Variants in DEPDC1 observed in about 807,000 individuals in gnomAD.
DEPDC1 encodes DEP domain-containing protein 1A.
A neutral mutation model predicts 86.8 loss-of-function variants in DEPDC1; 66 were observed. The observed-to-expected ratio is 0.76, with a 90% confidence interval of 0.62 to 0.93. The LOEUF (loss-of-function observed/expected upper bound fraction) is 0.93, where lower values mean the gene tolerates loss of function less well. DEPDC1 is among the 40% of genes least tolerant of loss of function. The pLI is 0.00. For missense variants in DEPDC1, 792 were observed against 935.7 expected, an observed-to-expected ratio of 0.85 and a Z score of 2.00; for synonymous variants, 255 against 314.9, an observed-to-expected ratio of 0.81 and a Z score of 2.02.
At chr1:68,485,464 G>A (rs191444344) in intron 6 of DEPDC1, among the ~76,000 whole-genome samples, 1 of 152,138 alleles carries the variant, frequency 6.6e-6, no homozygotes, top group African/African-American at 2.4e-5. Context: ...GAATTACTCT[G>A]GGGGATCGAA....
intron 1 of DEPDC1, among the ~76,000 whole-genome samples, chr1:68,495,024 C>A (rs1484276606): frequency 1.3e-5 from 2 of 152,076 alleles, no homozygotes; most frequent in African/African-American, 2.4e-5. Context: ...TGCCTATAAT[C>A]CCAGCTACTC....
chr1:68,479,034 G>T, intron 10 of DEPDC1, 110 bp downstream of exon 10: 2 of 876,536 alleles, frequency 2.3e-6, no homozygotes, highest in Non-Finnish European at 3.5e-6. Flanking sequence ...GACTTTTAGA[G>T]GTTGTTTATG....
At chr1:68,480,802 G>A (rs934038326) in intron 9 of DEPDC1, among the ~76,000 whole-genome samples, 6 of 151,642 alleles carry the variant, frequency 4.0e-5, no homozygotes, top group South Asian at 4.2e-4. Context: ...GCATAACTCC[G>A]GATTCCTTGC....
chr1:68,482,016 T>C, intron 8 of DEPDC1, 30 bp downstream of exon 8: 1 of 1,533,020 alleles, frequency 6.5e-7, no homozygotes, highest in Non-Finnish European at 8.7e-7. Context: ...TCAAAGTTAA[T>C]ATTGCATGCA....
At position 68,481,542 on chromosome 1, in the gene DEPDC1, T is replaced by A; in HGVS notation, c.1833A>T (p.Pro611=). 6.2e-7 allele frequency: 1 copy of A among 1,612,102 alleles called. No homozygotes were observed. The highest frequency in any genetic ancestry group is 8.5e-7 in the Non-Finnish European group (1 of 1,178,936). The change falls in exon 9 of 12, where the codon CCA becomes CCT. Residue 611 remains proline (P), a synonymous_variant. Coordinates refer to ENST00000456315, the MANE Select transcript of DEPDC1 (RefSeq NM_001114120.3). ...ALQLCCLLLP[P]PNRRKLQLLM... is the part of the protein sequence containing the mutation. ...AAAGTTGAAGCTTTCTACGATTTGG[T>A]GGGGGAAGTAACAAACAACATAACT...
chr1:68,483,953 A>G lies in DEPDC1; in HGVS notation c.907T>C (p.Leu303=), dbSNP rs774213164. 1.3e-6 allele frequency: 2 copies of G among 1,501,114 alleles called. No homozygotes were observed. Among genetic ancestry groups the G allele is most frequent in the African/African-American group, 2.9e-5 (2 of 70,012 alleles). The allele number at this position is 1,501,114 out of a possible 1,614,324, so 93.0% of individuals were successfully genotyped here. A position where few individuals can be genotyped will look rare whatever the true frequency, so the allele number is the denominator to read the frequency against. The change falls in exon 7 of 12, where the codon TTG becomes CTG. Residue 303 remains leucine (L), a synonymous_variant. Coordinates refer to ENST00000456315, the MANE Select transcript of DEPDC1 (RefSeq NM_001114120.3). ...FEYYELFVNI[L]VVCGYITVSD... ...AATCAGTAAAATCTATACATACCCA[A>G]AATGTTTACAAATAATTCGTAATAT...
rs751277930 is a variant in DEPDC1 at position 68,487,023 on chromosome 1, T to G, written c.722-39A>C. On this transcript the variant is annotated intron_variant, in intron 5 of 11. Coordinates refer to ENST00000456315, the MANE Select transcript of DEPDC1 (RefSeq NM_001114120.3). The stretch of plus-strand genomic sequence containing the variant: ...AAAATATTACTAAGTAAACCATACA[T>G]TTTTTATGATAGTATATTTTAAAAT... The G allele has an allele frequency of 5.1e-6, 8 of 1,562,974 alleles. No individual in the cohort carries two copies. In the South Asian group the frequency reaches 9.4e-5, roughly 18 times the overall value.
chr1:68,488,580 C>T (rs553591669), intron 4 of DEPDC1, 76 bp from the exon 5 acceptor site: 37 of 1,233,412 alleles, frequency 3.0e-5, no homozygotes, highest in Admixed American at 8.4e-5. Context: ...GTAAACAAAG[C>T]CATCAGAATA....
At chr1:68,489,169 T>G (rs1393427627) in intron 3 of DEPDC1, 135 bp from the exon 4 acceptor site, 1 of 649,886 alleles carries the variant, frequency 1.5e-6, no homozygotes, top group African/African-American at 1.8e-5. Flanking sequence ...AATATGGTAA[T>G]GGAGTTTTTA....
In DEPDC1 at chr1:68,489,563, T is replaced by C; in HGVS notation, c.360A>G (p.Pro120=). 6.5e-7 allele frequency: 1 copy of C among 1,543,402 alleles called. No homozygotes were observed. Among genetic ancestry groups the C allele is most frequent in the South Asian group, 1.3e-5 (1 of 77,650 alleles). Residue 120 remains proline, a synonymous_variant, in exon 3 of 12, where the codon CCA becomes CCG. Transcript: ENST00000456315. ...TCTCTATGTTGTTTTTTCTCAATTC[T>C]GGATACCTTCGTGGTAGAGTTTTAA... ...SPLKTLPRRY[P]ELRKNNIENF...
chr1:68,475,937 G>GT lies in DEPDC1; in HGVS notation c.*994dup, dbSNP rs1646112169. 6.6e-6 allele frequency: 1 copy of GT among 151,836 alleles called. No individual in the cohort carries two copies. The highest frequency in any genetic ancestry group is 2.4e-5 in the African/African-American group (1 of 41,380). 9.4% of individuals were successfully genotyped at this position (151,836 alleles called of 1,614,324 possible). On this transcript the variant is annotated 3_prime_UTR_variant, in exon 12 of 12. Coordinates refer to ENST00000456315, the MANE Select transcript of DEPDC1 (RefSeq NM_001114120.3). ...TCCCCAAAATTCAGATTTAATTAGT[G>GT]TAAGTTAGGCCCTGGGCATATAGGC... is the stretch of plus-strand genomic sequence containing the variant.
chr1:68,476,951 T>A lies in DEPDC1; in HGVS notation c.2417A>T (p.Lys806Met), dbSNP rs370916107. ...AGTTAGTTATCTTAGACTACGGAAC[T>A]TTGGTTTTCTTAAAATCAGCATTGG... ...KQPMLILRKPKFRSLR is the reference protein window; with the variant it reads ...KQPMLILRKPMFRSLR Residue 806 changes from lysine (K) to methionine (M), a missense_variant, in exon 12 of 12, where the codon AAG becomes ATG. Physicochemically the swap from Lys to Met is moderately conservative, Grantham distance 95. Coordinates refer to ENST00000456315, the MANE Select transcript of DEPDC1 (RefSeq NM_001114120.3). The A allele has an allele frequency of 2.5e-6, 4 of 1,599,972 alleles. No individual in the cohort carries two copies. Among genetic ancestry groups the A allele is most frequent in the Non-Finnish European group, 3.4e-6 (4 of 1,173,860 alleles).
chr1:68,496,918 C>T lies in DEPDC1; in HGVS notation c.48+34G>A. On this transcript the variant is annotated intron_variant, in intron 1 of 11. Transcript: ENST00000456315. This position sits in a 1 kb window ranked among gnomAD's most constrained non-coding sequence, Gnocchi z 4.0. ...CGAACAGTGGTGACTGCCGTCAGCC[C>T]GCTGACCGGTCCCGTCTATCCGAGC... is the stretch of plus-strand genomic sequence containing the variant. The T allele has an allele frequency of 6.2e-7, 1 of 1,607,036 alleles. No homozygotes were observed. Among genetic ancestry groups the T allele is most frequent in the Non-Finnish European group, 8.5e-7 (1 of 1,176,016 alleles).
intron 1 of DEPDC1, among the ~76,000 whole-genome samples, chr1:68,495,333 C>G (rs1646258097): frequency 6.6e-6 from 1 of 152,074 alleles, no homozygotes; most frequent in South Asian, 2.1e-4. Flanking sequence ...AAACATTCAT[C>G]CCTGTTTTTT....
In DEPDC1 at chr1:68,496,847, C is replaced by T; in HGVS notation, c.48+105G>A. The T allele has an allele frequency of 9.0e-7, 1 of 1,113,088 alleles. No individual in the cohort carries two copies. The highest frequency in any genetic ancestry group is 1.3e-6 in the Non-Finnish European group (1 of 752,254). The allele number at this position is 1,113,088 out of a possible 1,614,324, so 69.0% of individuals were successfully genotyped here. A position where few individuals can be genotyped will look rare whatever the true frequency, so the allele number is the denominator to read the frequency against. ...CACTGAACCTAGGGATCCTGGGACT[C>T]ATCCCTCCGACCGAGGTAAAACTGC... is the stretch of plus-strand genomic sequence containing the variant. On this transcript the variant is annotated intron_variant, in intron 1 of 11. Coordinates refer to ENST00000456315, the MANE Select transcript of DEPDC1 (RefSeq NM_001114120.3). The surrounding 1 kb of genome is among the most constrained non-coding windows in gnomAD (Gnocchi z 4.0).
chr1:68,480,252 C>CCACCACACACA (rs1553155657), intron 9 of DEPDC1, among the ~76,000 whole-genome samples: 1 of 145,426 alleles, frequency 6.9e-6, no homozygotes, highest in African/African-American at 2.6e-5. Context: ...TCTAACTGTA[C>CCACCACACACA]CACACACACA....
intron 1 of DEPDC1, among the ~76,000 whole-genome samples, 163 bp from the exon 2 acceptor site, chr1:68,494,858 T>A (rs1306392335): frequency 6.6e-6 from 1 of 152,174 alleles, no homozygotes; most frequent in Non-Finnish European, 1.5e-5. Flanking sequence ...AAATTTTATA[T>A]CTGGCCGGGC....
chr1:68,486,891 C>G, intron 6 of DEPDC1, 46 bp downstream of exon 6: 1 of 1,381,136 alleles, frequency 7.2e-7, no homozygotes, highest in East Asian at 2.6e-5. Flanking sequence ...AACACACACA[C>G]ACACACACAC....
intron 4 of DEPDC1, 91 bp from the exon 5 acceptor site, chr1:68,488,595 A>G: frequency 8.7e-7 from 1 of 1,152,706 alleles, no homozygotes; most frequent in Middle Eastern, 2.9e-4. Context: ...AGAATATTTT[A>G]TTTTTTTAAC....
Sources: allele counts gnomAD v4.1 joint callset (sites outside exome capture counted in the v4.1 genomes callset), GRCh38; gene constraint gnomAD v4.1.1; non-coding constraint Gnocchi (gnomAD v3.1); transcripts MANE v1.5; gene names NCBI Gene and HGNC (gene_info 2026-07-23, HGNC 2026-07-21).